The following STK38L variants were observed in gnomAD, a reference collection of about 807,000 sequenced individuals.
STK38L encodes the protein serine/threonine-protein kinase 38-like.
In STK38L, 28 loss-of-function variants were observed where a neutral mutation model predicts 59.7. That is an observed-to-expected ratio of 0.47 (90% CI 0.35 to 0.64). The LOEUF (loss-of-function observed/expected upper bound fraction) is 0.64. Ranked by LOEUF, STK38L falls within the 30% of genes least tolerant of loss-of-function variation. The probability of loss-of-function intolerance (pLI) is 0.01; values close to 1 mark genes in which losing one functional copy is unlikely to be tolerated. For synonymous variants in STK38L, 162 were observed against 176.8 expected, an observed-to-expected ratio of 0.92 and a Z score of 0.66; for missense variants, 314 against 555.8, an observed-to-expected ratio of 0.56 and a Z score of 4.37.
At chr12:27,266,554 C>T (rs1943305802) in intron 1 of STK38L, among the ~76,000 whole-genome samples, 1 of 152,200 alleles carries the variant, frequency 6.6e-6, no homozygotes, top group Non-Finnish European at 1.5e-5. Flanking sequence ...GTAGGAAACA[C>T]ATTGCCCACA....
intron 3 of STK38L, among the ~76,000 whole-genome samples, chr12:27,303,660 T>C (rs1003119770): frequency 4.6e-5 from 7 of 152,128 alleles, no homozygotes; most frequent in African/African-American, 1.7e-4. Flanking sequence ...CATGATAGAA[T>C]GTGGTGAACG....
At position 27,309,118 on chromosome 12, in the gene STK38L, G is replaced by C; in HGVS notation, c.314G>C (p.Arg105Pro). ...VIGRGAFGEV[R>P]LVQKKDTGHI... is the part of the protein sequence containing the mutation. The stretch of plus-strand genomic sequence containing the variant: ...TATATGTTTTTTATCTTTTAGGTGC[G>C]GTTGGTCCAGAAGAAAGATACAGGC... The change falls in exon 5 of 14, where the codon CGG (arginine) becomes CCG (proline). Residue 105 changes from arginine (R) to proline (P), a missense_variant. Coordinates refer to ENST00000389032, the MANE Select transcript of STK38L (RefSeq NM_015000.4). 6.3e-7 allele frequency: 1 copy of C among 1,582,814 alleles called. No individual in the cohort carries two copies. The highest frequency in any genetic ancestry group is 8.6e-7 in the Non-Finnish European group (1 of 1,165,150).
At chr12:27,314,416 A>AG in intron 6 of STK38L, 88 bp from the exon 7 acceptor site, 1 of 1,192,836 alleles carries the variant, frequency 8.4e-7, no homozygotes, top group Non-Finnish European at 1.1e-6. Flanking sequence ...AAAAAAAAAA[A>AG]AAAGTAAAAA....
intron 1 of STK38L, among the ~76,000 whole-genome samples, chr12:27,255,335 T>C (rs1943069523): frequency 6.6e-6 from 1 of 152,218 alleles, no homozygotes; most frequent in African/African-American, 2.4e-5. Context: ...GTAAACCAAG[T>C]ACTCTCTCCC....
chr12:27,283,512 A>G (rs1442277241), intron 1 of STK38L, among the ~76,000 whole-genome samples: 1 of 152,204 alleles, frequency 6.6e-6, no homozygotes, highest in Non-Finnish European at 1.5e-5. Context: ...TGACACCCTG[A>G]GAGTTCTCAC....
rs773104558 is a variant in STK38L at position 27,319,542 on chromosome 12, G to T, written c.1175+119G>T. On this transcript the variant is annotated intron_variant, in intron 12 of 13. Coordinates refer to ENST00000389032, the MANE Select transcript of STK38L (RefSeq NM_015000.4). Reference sequence around the variant, plus strand: ...CAAAAGTAACATATAATGTCATTAAGTGCAGTGTTTTCTGGATTATGTAAG... The same window carrying T: ...CAAAAGTAACATATAATGTCATTAATTGCAGTGTTTTCTGGATTATGTAAG... The T allele has an allele frequency of 1.9e-5, 12 of 641,988 alleles. No homozygotes were observed. In the African/African-American group the frequency reaches 2.2e-4, roughly 12 times the overall value. The allele number at this position is 641,988 out of a possible 1,614,324, so 39.8% of individuals were successfully genotyped here. A position where few individuals can be genotyped will look rare whatever the true frequency, so the allele number is the denominator to read the frequency against.
rs1193082021 is a variant in STK38L at position 27,297,833 on chromosome 12, A to G, written c.113A>G (p.Gln38Arg). Residue 38 changes from glutamine to arginine, a missense_variant, in exon 2 of 14, where the codon CAG becomes CGG. Gln to Arg is a conservative substitution (Grantham distance 43, BLOSUM62 1). Around this residue, in one of 3 missense-constraint regions of STK38L, gnomAD observed 192 missense variants for 316.9 expected, o/e 0.61. Coordinates refer to ENST00000389032, the MANE Select transcript of STK38L (RefSeq NM_015000.4). ...LENFYSNLIL[Q>R]HEERETRQKK... The stretch of plus-strand genomic sequence containing the variant: ...AATTTTTATAGCAACCTAATTTTAC[A>G]GCATGAAGAGAGAGAAACCAGGTAT... 2 of 1,614,048 alleles carry G rather than the reference A, an allele frequency of 1.2e-6. No individual in the cohort carries two copies. Among genetic ancestry groups the G allele is most frequent in the Non-Finnish European group, 8.5e-7 (1 of 1,180,036 alleles).
At chr12:27,307,801 T>A (rs573592141) in intron 3 of STK38L, among the ~76,000 whole-genome samples, 9 of 152,238 alleles carry the variant, frequency 5.9e-5, no homozygotes, top group Non-Finnish European at 1.2e-4. Flanking sequence ...TGTAATTGTT[T>A]TTGCAATTTT....
intron 3 of STK38L, among the ~76,000 whole-genome samples, chr12:27,306,162 CA>C (rs1230554014): frequency 6.6e-6 from 1 of 152,024 alleles, no homozygotes; most frequent in Non-Finnish European, 1.5e-5. Flanking sequence ...TGGCTGGGCC[CA>C]AAACCACATA....
intron 1 of STK38L, among the ~76,000 whole-genome samples, chr12:27,260,228 T>A (rs1490644690): frequency 6.6e-6 from 1 of 152,238 alleles, no homozygotes; most frequent in Non-Finnish European, 1.5e-5. Context: ...AGTCTGGTAC[T>A]TTATCAGATC....
chr12:27,322,104 C>T (rs1186777035), intron 12 of STK38L, 39 bp from the exon 13 acceptor site: 1 of 1,560,086 alleles, frequency 6.4e-7, no homozygotes, highest in African/African-American at 1.4e-5. Flanking sequence ...ATTGAGAGTT[C>T]AAGAAAAGTT....
At chr12:27,271,668 A>G (rs971613676) in intron 1 of STK38L, among the ~76,000 whole-genome samples, 1 of 152,154 alleles carries the variant, frequency 6.6e-6, no homozygotes, top group African/African-American at 2.4e-5. Flanking sequence ...ACAGCTAACC[A>G]TATTTGAAAT....
At chr12:27,259,411 A>G (rs367921677) in intron 1 of STK38L, among the ~76,000 whole-genome samples, 1 of 152,140 alleles carries the variant, frequency 6.6e-6, no homozygotes. Flanking sequence ...TTCACGTGTC[A>G]TGGGCATCAG....
chr12:27,286,204 GA>G (rs1378740957), intron 1 of STK38L, among the ~76,000 whole-genome samples: 1 of 152,072 alleles, frequency 6.6e-6, no homozygotes, highest in Non-Finnish European at 1.5e-5. Context: ...TGTGGTACCT[GA>G]AAAACCACCT....
rs1023329101 is a variant in STK38L at position 27,317,202 on chromosome 12, A to G, written c.838-134A>G. 6.1e-6 allele frequency: 4 copies of G among 657,938 alleles called. No homozygotes were observed. In the East Asian group the frequency reaches 7.7e-5, roughly 13 times the overall value. 40.8% of individuals were successfully genotyped at this position (657,938 alleles called of 1,614,324 possible). A position where few individuals can be genotyped will look rare whatever the true frequency, so the allele number is the denominator to read the frequency against. On this transcript the variant is annotated intron_variant, in intron 9 of 13. Transcript: ENST00000389032. The stretch of plus-strand genomic sequence containing the variant: ...CACTACCTACCACTAAGCCTTGCAC[A>G]TGATAAACATGCAAAATAAATACAA...
chr12:27,312,977 AG>A (rs1299456686), intron 6 of STK38L, among the ~76,000 whole-genome samples: 1 of 152,174 alleles, frequency 6.6e-6, no homozygotes, highest in East Asian at 1.9e-4. Context: ...GGATGGGCGC[AG>A]TGGCTCACGC....
intron 1 of STK38L, among the ~76,000 whole-genome samples, chr12:27,276,161 G>A (rs1466554879): frequency 6.6e-6 from 1 of 152,120 alleles, no homozygotes; most frequent in African/African-American, 2.4e-5. Context: ...CTCCCTGTGT[G>A]CACATCACCA....
chr12:27,273,118 AT>A (rs569296904), intron 1 of STK38L, among the ~76,000 whole-genome samples: 1 of 149,638 alleles, frequency 6.7e-6, no homozygotes, highest in Non-Finnish European at 1.5e-5. Flanking sequence ...TGTGTTTGAT[AT>A]TTTTTTCTTC....
chr12:27,303,979 A>G (rs1944243728), intron 3 of STK38L, among the ~76,000 whole-genome samples: 1 of 152,218 alleles, frequency 6.6e-6, no homozygotes, highest in Non-Finnish European at 1.5e-5. Flanking sequence ...TTAGTTTAAC[A>G]TGCTGAGTGC....
Sources: allele counts gnomAD v4.1 joint callset (sites outside exome capture counted in the v4.1 genomes callset), GRCh38; gene constraint gnomAD v4.1.1; regional missense constraint gnomAD v4.1.1; transcripts MANE v1.5; gene names NCBI Gene and HGNC (gene_info 2026-07-23, HGNC 2026-07-21).